ADGRA1: variants seen among roughly 807,000 people sequenced by gnomAD.
ADGRA1 encodes G-protein coupled receptor 123.
ADGRA1 carries 12 observed loss-of-function variants against 21.3 expected under a neutral mutation model. That is an observed-to-expected ratio of 0.56 (90% confidence interval 0.36 to 0.91). The LOEUF (loss-of-function observed/expected upper bound fraction) is 0.91. Ranked by LOEUF, ADGRA1 falls within the 40% of genes least tolerant of loss-of-function variation. The probability of loss-of-function intolerance (pLI) is 0.01; values close to 1 mark genes in which losing one functional copy is unlikely to be tolerated. For synonymous variants in ADGRA1, 385 were observed against 368.8 expected (o/e 1.04, Z -0.50); for missense variants, 790 against 805.6 (o/e 0.98, Z 0.23).
At chr10:133,127,128 G>T in intron 5 of ADGRA1, 105 bp from the exon 6 acceptor site, 1 of 651,538 alleles carries the variant, frequency 1.5e-6, no homozygotes, top group South Asian at 2.6e-5. Context: ...TGCTCCGCCC[G>T]CACCCGCTGC....
rs561233698 is a variant in ADGRA1, at chr10:133,088,094, G to C, written c.-247G>C. On this transcript the variant is annotated 5_prime_UTR_variant, in exon 1 of 7. Transcript: ENST00000392607. ...GGGGGAGCGCAGCGCGTCTGTCTCC[G>C]GGAGCGCGGCCCGGCCGCCCCGGCA... 1,721 of 985,220 alleles carry C rather than the reference G, an allele frequency of 1.7e-3. 23 individuals are homozygous for C. In the African/African-American group the frequency reaches 0.027, roughly 16 times the overall value. 61.0% of individuals were successfully genotyped at this position (985,220 alleles called of 1,614,324 possible).
At chr10:133,127,169 C>T in intron 5 of ADGRA1, 64 bp from the exon 6 acceptor site, 1 of 1,063,072 alleles carries the variant, frequency 9.4e-7, no homozygotes, top group Non-Finnish European at 1.3e-6. Context: ...GGGGGAGGGA[C>T]AGCGCTGACC....
intron 2 of ADGRA1, chr10:133,092,986 C>T (rs754357521): frequency 4.4e-6 from 7 of 1,590,912 alleles, no homozygotes; most frequent in Non-Finnish European, 6.0e-6. Flanking sequence ...GCCCCGGACA[C>T]CTCACCGTGC....
intron 5 of ADGRA1, among the ~76,000 whole-genome samples, chr10:133,121,497 G>C (rs548718899): frequency 2.0e-5 from 3 of 151,452 alleles, no homozygotes; most frequent in Non-Finnish European, 2.9e-5. Flanking sequence ...GTGTGCCAGT[G>C]TGCGTGTGTG....
intron 5 of ADGRA1, among the ~76,000 whole-genome samples, chr10:133,116,303 G>T (rs1369358336): frequency 6.6e-6 from 1 of 151,604 alleles, no homozygotes; most frequent in African/African-American, 2.4e-5. Flanking sequence ...CGGCCTGTGG[G>T]GGACCCCAAA....
At chr10:133,090,924 C>G (rs1427701865) in intron 2 of ADGRA1, among the ~76,000 whole-genome samples, 1 of 152,236 alleles carries the variant, frequency 6.6e-6, no homozygotes, top group African/African-American at 2.4e-5. Context: ...GCCCATGGTG[C>G]TCTACAGGAT....
chr10:133,088,068 G>T lies in ADGRA1; in HGVS notation c.-273G>T, dbSNP rs1042452530. On this transcript the variant is annotated 5_prime_UTR_variant, in exon 1 of 7. Transcript: ENST00000392607. ...CGCGAATGGAGAGCGGGTCCCCGGC[G>T]GGGGGAGCGCAGCGCGTCTGTCTCC... 3 of 985,008 alleles carry T rather than the reference G, an allele frequency of 3.0e-6. No homozygotes were observed. Among genetic ancestry groups the T allele is most frequent in the Admixed American group, 6.2e-5 (1 of 16,236 alleles). The allele number at this position is 985,008 out of a possible 1,614,324, so 61.0% of individuals were successfully genotyped here.
intron 5 of ADGRA1, among the ~76,000 whole-genome samples, chr10:133,108,468 G>T (rs1851930749): frequency 6.6e-6 from 1 of 152,134 alleles, no homozygotes; most frequent in Non-Finnish European, 1.5e-5. Flanking sequence ...GGAGGAAGAG[G>T]ATTGGCAGGG....
intron 5 of ADGRA1, among the ~76,000 whole-genome samples, chr10:133,111,825 C>CCCT (rs1564849420): frequency 3.4e-5 from 5 of 147,666 alleles, no homozygotes; most frequent in South Asian, 2.2e-4. Context: ...CCCTCCTAAT[C>CCCT]CCACCAGACC....
intron 6 of ADGRA1, among the ~76,000 whole-genome samples, chr10:133,127,707 G>C (rs1247398431): frequency 1.3e-5 from 2 of 151,922 alleles, no homozygotes; most frequent in Non-Finnish European, 2.9e-5. Context: ...TCTCATTCAG[G>C]GCCCTCAGTT....
At chr10:133,092,828 A>AGAGGGAGG (rs201461714) in intron 2 of ADGRA1, among the ~76,000 whole-genome samples, 15 of 77,128 alleles carry the variant, frequency 1.9e-4, no homozygotes, top group South Asian at 5.6e-4. Context: ...AGGAAGGAAG[A>AGAGGGAGG]GAGGGAGGGA....
intron 5 of ADGRA1, among the ~76,000 whole-genome samples, chr10:133,117,539 C>T: frequency 6.6e-6 from 1 of 152,240 alleles, no homozygotes; most frequent in South Asian, 2.1e-4. Context: ...ATCAGGCCCT[C>T]ACTAGCCCGG....
chr10:133,129,448 G>A lies in ADGRA1; in HGVS notation c.1620G>A (p.Pro540=), dbSNP rs1477834891. 6 of 1,601,958 alleles carry A rather than the reference G, an allele frequency of 3.7e-6. No individual in the cohort carries two copies. Among genetic ancestry groups the A allele is most frequent in the East Asian group, 2.2e-5 (1 of 44,878 alleles). Residue 540 remains proline (P), a synonymous_variant, in exon 7 of 7, where the codon CCG becomes CCA. Transcript: ENST00000392607. ...AGGGTAAATTGCTAGAAGGCCTGCC[G>A]TTTGGCACCGACGGGACCGGCAACA... ...LPKGKLLEGL[P]FGTDGTGNIR... is the part of the protein sequence containing the mutation.
intron 2 of ADGRA1, chr10:133,095,734 G>T (rs778091201): frequency 1.3e-5 from 20 of 1,598,350 alleles, no homozygotes; most frequent in Non-Finnish European, 1.7e-5. Context: ...GCCTCAGGAG[G>T]GAAGCAGGAG....
intron 5 of ADGRA1, among the ~76,000 whole-genome samples, chr10:133,111,867 C>CCCACCAGACCA (rs1852022502): frequency 1.6e-4 from 22 of 138,956 alleles, no homozygotes; most frequent in South Asian, 2.4e-4. Context: ...CCCTCCTAAT[C>CCCACCAGACCA]CCTCCAGACC....
In ADGRA1 at chr10:133,112,775, CTAT is replaced by C. The variant is rs1564850425; in HGVS notation, c.401+9934_401+9936del. ...GCGTCGGTTATTTGGGGTCTGTAAG[CTAT>C]GTCGGTTATTTGGGGTCTGCGGGCC... On this transcript the variant is annotated intron_variant, in intron 5 of 6. Coordinates refer to ENST00000392607, the MANE Select transcript of ADGRA1 (RefSeq NM_001083909.3). 5.6e-3 allele frequency among the ~76,000 whole-genome samples: 756 copies of C among 135,890 alleles called. 5 individuals are homozygous for C. Among genetic ancestry groups the C allele is most frequent in the South Asian group, 9.0e-3 (35 of 3,902 alleles). The allele number at this position is 135,890 out of a possible 152,430, so 89.1% of individuals were successfully genotyped here. A position where few individuals can be genotyped will look rare whatever the true frequency, so the allele number is the denominator to read the frequency against.
At chr10:133,104,883 G>A (rs1591174398) in intron 5 of ADGRA1, among the ~76,000 whole-genome samples, 3 of 152,318 alleles carry the variant, frequency 2.0e-5, no homozygotes, top group African/African-American at 7.2e-5. Flanking sequence ...ACTGTGCTGG[G>A]AGACTGGGCT....
chr10:133,126,873 G>A (rs1318635554), intron 5 of ADGRA1, among the ~76,000 whole-genome samples: 1 of 152,160 alleles, frequency 6.6e-6, no homozygotes, highest in Non-Finnish European at 1.5e-5. Flanking sequence ...GGACCCGGTG[G>A]GACGCACAGC....
rs144556507 is a variant in ADGRA1, at chr10:133,094,710, C to A, written c.4-2264C>A. Reference sequence around the variant, plus strand: ...CGGATCTGGGTTTGCAACAATGGCTCGTCGGAACTGTGTAGAGCGTTCAGG... The same window carrying A: ...CGGATCTGGGTTTGCAACAATGGCTAGTCGGAACTGTGTAGAGCGTTCAGG... On this transcript the variant is annotated intron_variant, in intron 2 of 6. Transcript: ENST00000392607. Among the ~76,000 whole-genome samples the A allele has an allele frequency of 6.6e-5, 10 of 152,252 alleles. No individual in the cohort carries two copies. In the East Asian group the frequency reaches 1.9e-3, roughly 29 times the overall value.
Sources: allele counts gnomAD v4.1 joint callset (sites outside exome capture counted in the v4.1 genomes callset), GRCh38; gene constraint gnomAD v4.1.1; transcripts MANE v1.5; gene names NCBI Gene and HGNC (gene_info 2026-07-23, HGNC 2026-07-21).